The following ZNF239 variants were observed in gnomAD, a reference collection of about 807,000 sequenced individuals.
The protein encoded by ZNF239 is zinc finger protein 239, also known as zinc finger protein (C2H2) homologous to mouse MOK-2.
Under a neutral mutation model 27.5 loss-of-function variants are expected in ZNF239, and 16 were observed. The ratio of observed to expected loss-of-function variants is 0.58; its 90% CI spans 0.39 to 0.88. ZNF239 has a LOEUF of 0.88. ZNF239 is among the 40% of genes least tolerant of loss of function. The pLI is 0.00. For missense variants in ZNF239, 527 were observed against 551.9 expected, an observed-to-expected ratio of 0.95 and a Z score of 0.45; for synonymous variants, 199 against 192.6, an observed-to-expected ratio of 1.03 and a Z score of -0.27.
chr10:43,560,104 C>T (rs1279116399), intron 3 of ZNF239, among the ~76,000 whole-genome samples: 2 of 152,206 alleles, frequency 1.3e-5, no homozygotes, highest in Non-Finnish European at 2.9e-5. Flanking sequence ...CTGTTAGCAG[C>T]ACTCTCCCAG....
At chr10:43,559,023 G>T (rs893010887) in intron 3 of ZNF239, among the ~76,000 whole-genome samples, 2 of 151,430 alleles carry the variant, frequency 1.3e-5, no homozygotes, top group African/African-American at 2.4e-5. Flanking sequence ...GAAAATGACA[G>T]GAAAAACAAA....
At chr10:43,573,886 C>G (rs1396690303) in intron 1 of ZNF239, among the ~76,000 whole-genome samples, 2 of 152,188 alleles carry the variant, frequency 1.3e-5, no homozygotes, top group African/African-American at 4.8e-5. Context: ...AGTTTTCCCC[C>G]CAAAACCAAG....
Position 43,557,554 on chromosome 10 carries a change from C to T in ZNF239, c.526G>A (p.Glu176Lys), listed in dbSNP as rs182654912. 8 of 1,614,136 alleles carry T rather than the reference C, an allele frequency of 5.0e-6. No homozygotes were observed. In the East Asian group the frequency reaches 1.6e-4, roughly 31 times the overall value. Residue 176 changes from glutamate to lysine, a missense_variant, in exon 4 of 4, where the codon GAG becomes AAG. By Grantham distance (56) the Glu-to-Lys change is moderately conservative. Coordinates refer to ENST00000374446, the MANE Select transcript of ZNF239 (RefSeq NM_001099282.2). Reference protein sequence around the residue: ...SCSQQRAHTEEKPCDHNNCGK... With the variant: ...SCSQQRAHTEKKPCDHNNCGK... ...CAGTTATTATGGTCACAGGGTTTCT[C>T]CTCTGTATGAGCTCTCTGCTGACTA...
chr10:43,557,053 C>G lies in ZNF239; in HGVS notation c.1027G>C (p.Gly343Arg). The change falls in exon 4 of 4, where the codon GGA (glycine) becomes CGA (arginine). Residue 343 changes from glycine to arginine, a missense_variant. Coordinates refer to ENST00000374446, the MANE Select transcript of ZNF239 (RefSeq NM_001099282.2). ...TCACCACACTTGTAGGGCCTCTCTC[C>G]TGTGTGTACTCGCTGGTGGATGTGC... ...NLHIHQRVHT[G>R]ERPYKCGECG... 1 of 1,613,838 alleles carries G rather than the reference C, an allele frequency of 6.2e-7. No homozygotes were observed. Among genetic ancestry groups the G allele is most frequent in the Non-Finnish European group, 8.5e-7 (1 of 1,179,960 alleles).
chr10:43,573,299 C>T (rs1838147892), intron 2 of ZNF239, among the ~76,000 whole-genome samples: 2 of 152,182 alleles, frequency 1.3e-5, no homozygotes, highest in Non-Finnish European at 2.9e-5. Flanking sequence ...TTGCTGAGAC[C>T]ACTTAGCACT....
chr10:43,568,708 C>G (rs1837844276), intron 2 of ZNF239, among the ~76,000 whole-genome samples: 1 of 151,872 alleles, frequency 6.6e-6, no homozygotes, highest in East Asian at 1.9e-4. Context: ...CAGACTCCAC[C>G]TTTCTACCTT....
rs1461588379 is a variant in ZNF239 at position 43,557,962 on chromosome 10, TAGG to T, written c.115_117del (p.Pro39del). 12 of 1,614,158 alleles carry T rather than the reference TAGG, an allele frequency of 7.4e-6. No homozygotes were observed. Among genetic ancestry groups the T allele is most frequent in the South Asian group, 4.4e-5 (4 of 91,086 alleles). The stretch of plus-strand genomic sequence containing the variant: ...ATCACACTGTCCCTGTTTCTGGAAA[TAGG>T]AGAAGATGCTTCTCCCCACTGTTGA... On this transcript the variant is annotated inframe_deletion, in exon 4 of 4. Transcript: ENST00000374446.
intron 2 of ZNF239, among the ~76,000 whole-genome samples, chr10:43,572,564 A>G (rs1838098014): frequency 2.0e-5 from 3 of 152,230 alleles, no homozygotes; most frequent in Admixed American, 6.5e-5. Context: ...GAAGGAAGAA[A>G]ACACGGGGTT....
chr10:43,570,772 T>C, intron 2 of ZNF239: 2 of 920,268 alleles, frequency 2.2e-6, no homozygotes, highest in Non-Finnish European at 2.6e-6. Context: ...ACCAATTCTT[T>C]GTAGTACAAT....
At chr10:43,572,399 G>A (rs1208392348) in intron 2 of ZNF239, among the ~76,000 whole-genome samples, 1 of 152,152 alleles carries the variant, frequency 6.6e-6, no homozygotes, top group African/African-American at 2.4e-5. Context: ...TTTTCTAAGA[G>A]CTCATGTGTG....
intron 1 of ZNF239, 60 bp from the exon 2 acceptor site, chr10:43,573,737 C>A: frequency 2.3e-6 from 2 of 861,746 alleles, no homozygotes; most frequent in Non-Finnish European, 2.8e-6. Flanking sequence ...AGCAAGACTG[C>A]GGGGAAAAAG....
In ZNF239 at chr10:43,560,830, TA is replaced by T. The variant is rs1347198795; in HGVS notation, c.-92-2660del. The stretch of plus-strand genomic sequence containing the variant: ...TGAGAACACAAGAATTTTGAAAAAA[TA>T]TATAAGGAGACCAACAGAATTTAAA... On this transcript the variant is annotated intron_variant, in intron 3 of 3. Coordinates refer to ENST00000374446, the MANE Select transcript of ZNF239 (RefSeq NM_001099282.2). Among the ~76,000 whole-genome samples, 6 of 151,792 alleles carry T rather than the reference TA, an allele frequency of 4.0e-5. No homozygotes were observed. The East Asian group carries it at 9.7e-4, about 25-fold the overall frequency.
chr10:43,565,672 G>T (rs61859162), intron 3 of ZNF239, among the ~76,000 whole-genome samples: 453 of 151,714 alleles, frequency 3.0e-3, no homozygotes, highest in Non-Finnish European at 5.1e-3. Context: ...AACATTAGCC[G>T]GGCATGGTGG....
intron 3 of ZNF239, among the ~76,000 whole-genome samples, chr10:43,566,837 T>G (rs1416555905): frequency 6.6e-6 from 1 of 152,244 alleles, no homozygotes; most frequent in African/African-American, 2.4e-5. Context: ...TTCACAATTT[T>G]CAGTTAAAAT....
At chr10:43,574,248 G>A (rs992592383) in intron 1 of ZNF239, among the ~76,000 whole-genome samples, 1 of 152,236 alleles carries the variant, frequency 6.6e-6, no homozygotes, top group African/African-American at 2.4e-5. Context: ...AGCCGGCCCA[G>A]GCCAGAGCTC....
intron 3 of ZNF239, among the ~76,000 whole-genome samples, chr10:43,559,991 C>T (rs1235392010): frequency 6.6e-6 from 1 of 152,176 alleles, no homozygotes; most frequent in African/African-American, 2.4e-5. Context: ...GGAGCACTGA[C>T]CCCATTTCTC....
At chr10:43,569,393 C>T (rs1837891074) in intron 2 of ZNF239, among the ~76,000 whole-genome samples, 1 of 152,174 alleles carries the variant, frequency 6.6e-6, no homozygotes, top group Non-Finnish European at 1.5e-5. Flanking sequence ...AGCATGAAAC[C>T]CTCCAAAGGC....
At position 43,556,988 on chromosome 10, in the gene ZNF239, A is replaced by G. The variant is rs763193476; in HGVS notation, c.1092T>C (p.Ile364=). ...KGFSQSSNLH[I]HRCIHTGEKP... ...TCTCTCCTGTGTGGATGCACCGGTG[A>G]ATGTGAAGGTTCGAGCTCTGACTGA... The change falls in exon 4 of 4, where the codon ATT becomes ATC. Residue 364 remains isoleucine (I), a synonymous_variant. Coordinates refer to ENST00000374446, the MANE Select transcript of ZNF239 (RefSeq NM_001099282.2). 1 of 1,607,282 alleles carries G rather than the reference A, an allele frequency of 6.2e-7. No individual in the cohort carries two copies. Among genetic ancestry groups the G allele is most frequent in the East Asian group, 2.2e-5 (1 of 44,596 alleles).
Position 43,573,695 on chromosome 10 carries a change from G to C in ZNF239, c.-256-18C>G. On this transcript the variant is annotated intron_variant, in intron 1 of 3. Coordinates refer to ENST00000374446, the MANE Select transcript of ZNF239 (RefSeq NM_001099282.2). ...ATGGATTCCTGGAAAGGCAGAGTTA[G>C]GGAAAGAGAAAAAGCCATGAAAATC... 4 of 983,404 alleles carry C rather than the reference G, an allele frequency of 4.1e-6. No homozygotes were observed. The highest frequency in any genetic ancestry group is 3.6e-6 in the Non-Finnish European group (3 of 828,130). 60.9% of individuals were successfully genotyped at this position (983,404 alleles called of 1,614,324 possible).
Sources: allele counts gnomAD v4.1 joint callset (sites outside exome capture counted in the v4.1 genomes callset), GRCh38; gene constraint gnomAD v4.1.1; transcripts MANE v1.5; gene names NCBI Gene and HGNC (gene_info 2026-07-23, HGNC 2026-07-21).